CTNNA3: variants seen among roughly 807,000 people sequenced by gnomAD.
CTNNA3 encodes catenin alpha-3.
A neutral mutation model predicts 95.7 loss-of-function variants in CTNNA3; 76 were observed. That is an observed-to-expected ratio of 0.79 (90% confidence interval 0.66 to 0.96). CTNNA3 has a LOEUF of 0.96. Among genes scored for constraint, CTNNA3 ranks in the 40% least tolerant of loss-of-function variants. The probability of loss-of-function intolerance (pLI) is 0.00; values close to 1 mark genes in which losing one functional copy is unlikely to be tolerated. For missense variants in CTNNA3, 1,191 were observed against 1,089.8 expected, an observed-to-expected ratio of 1.09 and a Z score of -1.31; for synonymous variants, 431 against 374.4, an observed-to-expected ratio of 1.15 and a Z score of -1.74.
At chr10:66,735,563 T>G (rs555074530) in intron 9 of CTNNA3, among the ~76,000 whole-genome samples, 2 of 152,026 alleles carry the variant, frequency 1.3e-5, no homozygotes, top group African/African-American at 4.8e-5. Flanking sequence ...ATTTATAACT[T>G]TATATATATT....
chr10:67,685,546 G>A (rs1453870935), intron 1 of CTNNA3, among the ~76,000 whole-genome samples: 4 of 152,198 alleles, frequency 2.6e-5, no homozygotes, highest in East Asian at 3.8e-4. Context: ...CCCCTGTTAG[G>A]AAACTTGCTG....
chr10:67,476,983 G>A lies in CTNNA3; in HGVS notation c.579+44859C>T, dbSNP rs1197303996. On this transcript the variant is annotated intron_variant, in intron 5 of 17. Coordinates refer to ENST00000433211, the MANE Select transcript of CTNNA3 (RefSeq NM_013266.4). ...CTGTGCAGAGATTATGATGAAGTAGGGCCCTCTCTGTCCCATGCCCAGCGA... is the reference window on the plus strand; with the variant it reads ...CTGTGCAGAGATTATGATGAAGTAGAGCCCTCTCTGTCCCATGCCCAGCGA... Among the ~76,000 whole-genome samples, 5 of 151,426 alleles carry A rather than the reference G, an allele frequency of 3.3e-5. No individual in the cohort carries two copies. The East Asian group carries it at 7.9e-4, about 24-fold the overall frequency.
At chr10:67,106,237 A>G (rs995648884) in intron 7 of CTNNA3, among the ~76,000 whole-genome samples, 1 of 152,320 alleles carries the variant, frequency 6.6e-6, no homozygotes, top group South Asian at 2.1e-4. Flanking sequence ...GTAATATAAA[A>G]CTGAAATGTA....
At chr10:66,598,618 C>T (rs1266139029) in intron 10 of CTNNA3, among the ~76,000 whole-genome samples, 2 of 151,670 alleles carry the variant, frequency 1.3e-5, no homozygotes, top group African/African-American at 4.8e-5. Context: ...TAATGATGAA[C>T]TACAAATCAA....
chr10:67,308,043 C>T (rs1840628445), intron 5 of CTNNA3, among the ~76,000 whole-genome samples: 1 of 152,186 alleles, frequency 6.6e-6, no homozygotes, highest in African/African-American at 2.4e-5. Flanking sequence ...TGCTACTCTA[C>T]CCTACATGTG....
chr10:67,133,378 T>TATATATATATATATAC (rs1177119156), intron 7 of CTNNA3, among the ~76,000 whole-genome samples: 1 of 133,902 alleles, frequency 7.5e-6, no homozygotes, highest in African/African-American at 2.9e-5. Flanking sequence ...TATATATATA[T>TATATATATATATATAC]ACACACACAC....
chr10:67,258,875 C>T (rs1297851453), intron 5 of CTNNA3, among the ~76,000 whole-genome samples: 2 of 152,098 alleles, frequency 1.3e-5, no homozygotes, highest in African/African-American at 4.8e-5. Context: ...CCACTGATAC[C>T]AGAATTCTCA....
chr10:67,655,383 G>T (rs1228451879), intron 1 of CTNNA3, among the ~76,000 whole-genome samples: 1 of 152,180 alleles, frequency 6.6e-6, no homozygotes, highest in Non-Finnish European at 1.5e-5. Flanking sequence ...GTTAACCTTT[G>T]CCTAATACCT....
chr10:67,462,417 T>A (rs1847413046), intron 5 of CTNNA3, among the ~76,000 whole-genome samples: 1 of 152,218 alleles, frequency 6.6e-6, no homozygotes, highest in South Asian at 2.1e-4. Context: ...TCTGTAAGTG[T>A]GTTTTTCATT....
intron 10 of CTNNA3, among the ~76,000 whole-genome samples, chr10:66,548,206 C>T (rs985940942): frequency 1.2e-4 from 18 of 151,980 alleles, no homozygotes; most frequent in Admixed American, 2.0e-4. Flanking sequence ...TGTGAGACAC[C>T]GTGCCTGGCT....
At chr10:67,005,975 C>T (rs1048229997) in intron 7 of CTNNA3, among the ~76,000 whole-genome samples, 5 of 151,870 alleles carry the variant, frequency 3.3e-5, no homozygotes, top group African/African-American at 7.3e-5. Context: ...CGTGAGCCAT[C>T]GCACCCAACC....
At chr10:66,628,760 G>A (rs1439852905) in intron 9 of CTNNA3, among the ~76,000 whole-genome samples, 2 of 152,064 alleles carry the variant, frequency 1.3e-5, no homozygotes, top group African/African-American at 4.8e-5. Flanking sequence ...ACTGATAGAT[G>A]GAACACTAGA....
At chr10:67,751,280 G>A in intron 1 of CTNNA3, 1 of 1,055,484 alleles carries the variant, frequency 9.5e-7, no homozygotes, top group South Asian at 1.3e-5. Context: ...TTTCTTCGCT[G>A]AAGTGTGACA....
chr10:66,833,575 G>C (rs1842797220), intron 7 of CTNNA3, among the ~76,000 whole-genome samples: 1 of 152,160 alleles, frequency 6.6e-6, no homozygotes, highest in South Asian at 2.1e-4. Flanking sequence ...AAGTTTCAGA[G>C]AAGTTCATTG....
intron 12 of CTNNA3, among the ~76,000 whole-genome samples, chr10:66,335,101 C>T (rs918043091): frequency 3.3e-5 from 5 of 152,094 alleles, no homozygotes; most frequent in South Asian, 4.1e-4. Flanking sequence ...AAGGACTTCT[C>T]TGCATTGGTT....
chr10:66,229,396 G>A (rs192843641), intron 13 of CTNNA3, among the ~76,000 whole-genome samples: 5 of 152,144 alleles, frequency 3.3e-5, no homozygotes, highest in Admixed American at 2.6e-4. Flanking sequence ...TGCAATTCAC[G>A]TGGGGCTGGT....
At chr10:66,673,511 C>T (rs1410412330) in intron 9 of CTNNA3, among the ~76,000 whole-genome samples, 4 of 152,064 alleles carry the variant, frequency 2.6e-5, no homozygotes, top group Non-Finnish European at 5.9e-5. Context: ...ATACACCAGG[C>T]TTGCTCCAAT....
intron 10 of CTNNA3, among the ~76,000 whole-genome samples, chr10:66,563,488 T>A (rs1842613737): frequency 6.6e-6 from 1 of 152,078 alleles, no homozygotes; most frequent in Non-Finnish European, 1.5e-5. Flanking sequence ...AAAAAAAGAT[T>A]TTTTAAAGAT....
chr10:67,539,967 G>A (rs569725544), intron 3 of CTNNA3, among the ~76,000 whole-genome samples: 1 of 152,044 alleles, frequency 6.6e-6, no homozygotes, highest in Non-Finnish European at 1.5e-5. Flanking sequence ...CTCATTTCTT[G>A]TAAAAGGTTT....
Sources: allele counts gnomAD v4.1 joint callset (sites outside exome capture counted in the v4.1 genomes callset), GRCh38; gene constraint gnomAD v4.1.1; transcripts MANE v1.5; gene names NCBI Gene and HGNC (gene_info 2026-07-23, HGNC 2026-07-21).